Variants in SORCS2 observed in about 807,000 individuals in gnomAD.
The protein encoded by SORCS2 is VPS10 domain-containing receptor SorCS2.
A neutral mutation model predicts 141.6 loss-of-function variants in SORCS2; 100 were observed. The ratio of observed to expected loss-of-function variants is 0.71; its 90% confidence interval spans 0.60 to 0.83. SORCS2 has a LOEUF of 0.83. Among genes scored for constraint, SORCS2 ranks in the 40% least tolerant of loss-of-function variants. SORCS2 has a pLI of 0.00. For synonymous variants in SORCS2, 789 were observed against 676.9 expected (o/e 1.17, Z -2.57); for missense variants, 1,646 against 1,560.2 (o/e 1.05, Z -0.93).
chr4:7,329,221 A>G (rs985294750), intron 1 of SORCS2, among the ~76,000 whole-genome samples: 46 of 152,180 alleles, frequency 3.0e-4, no homozygotes, highest in Non-Finnish European at 2.9e-5. Flanking sequence ...GCCCTGGCTT[A>G]CAGGCGGGCC....
intron 15 of SORCS2, among the ~76,000 whole-genome samples, chr4:7,713,713 G>A (rs1391559036): frequency 2.6e-5 from 4 of 152,216 alleles, no homozygotes; most frequent in African/African-American, 9.6e-5. Flanking sequence ...CCTTAGCAGG[G>A]TGCATTGCTT....
intron 1 of SORCS2, among the ~76,000 whole-genome samples, chr4:7,283,799 GGGAGAGA>G (rs1371852083): frequency 1.3e-5 from 2 of 152,130 alleles, no homozygotes; most frequent in African/African-American, 4.8e-5. Flanking sequence ...GGGGGTCCTG[GGGAGAGA>G]GGAGATGGAG....
At chr4:7,314,820 T>G (rs1274243840) in intron 1 of SORCS2, among the ~76,000 whole-genome samples, 76 of 146,412 alleles carry the variant, frequency 5.2e-4, no homozygotes, top group Admixed American at 1.7e-3. Context: ...TTTTTTTTTT[T>G]TTTTTTTTTA....
At chr4:7,453,581 T>C (rs1388981516) in intron 2 of SORCS2, among the ~76,000 whole-genome samples, 31 of 102,782 alleles carry the variant, frequency 3.0e-4, no homozygotes, top group Middle Eastern at 0.01. Context: ...TGTGTTGGGG[T>C]CAGGCACTGT....
intron 1 of SORCS2, among the ~76,000 whole-genome samples, chr4:7,300,968 G>A (rs186395341): frequency 2.6e-5 from 4 of 152,170 alleles, no homozygotes; most frequent in African/African-American, 4.8e-5. Flanking sequence ...CACCCTTCTC[G>A]TGCCTTCCTG....
At chr4:7,349,479 G>C (rs1403766774) in intron 1 of SORCS2, among the ~76,000 whole-genome samples, 1 of 152,164 alleles carries the variant, frequency 6.6e-6, no homozygotes, top group African/African-American at 2.4e-5. Flanking sequence ...CCAGGCCCTG[G>C]AGAGGCCCAG....
At chr4:7,567,775 C>T (rs1184755351) in intron 3 of SORCS2, among the ~76,000 whole-genome samples, 1 of 152,200 alleles carries the variant, frequency 6.6e-6, no homozygotes, top group Non-Finnish European at 1.5e-5. Flanking sequence ...TGGAATTCCT[C>T]TGCATGGGAG....
At chr4:7,213,672 G>C (rs1281273234) in intron 1 of SORCS2, among the ~76,000 whole-genome samples, 3 of 152,224 alleles carry the variant, frequency 2.0e-5, no homozygotes, top group Non-Finnish European at 2.9e-5. Flanking sequence ...AGATGAGAAA[G>C]CCGAGGCCCA....
intron 10 of SORCS2, among the ~76,000 whole-genome samples, chr4:7,688,919 C>T (rs1724040151): frequency 6.6e-6 from 1 of 152,238 alleles, no homozygotes; most frequent in Admixed American, 6.5e-5. Flanking sequence ...TAACCCACCC[C>T]TCTGTATCTC....
intron 1 of SORCS2, among the ~76,000 whole-genome samples, chr4:7,227,374 C>T (rs181453632): frequency 3.9e-4 from 59 of 152,312 alleles, no homozygotes; most frequent in African/African-American, 1.3e-3. Flanking sequence ...CTGCATTAAC[C>T]GAGGCGAGGG....
At chr4:7,401,617 C>T (rs916311913) in intron 2 of SORCS2, among the ~76,000 whole-genome samples, 1 of 152,178 alleles carries the variant, frequency 6.6e-6, no homozygotes, top group Admixed American at 6.5e-5. Context: ...ATCACCCTTG[C>T]TTCACACTGA....
chr4:7,387,458 C>G (rs1723451309), intron 1 of SORCS2, among the ~76,000 whole-genome samples: 1 of 146,358 alleles, frequency 6.8e-6, no homozygotes, highest in Non-Finnish European at 1.5e-5. Flanking sequence ...CACATGCACA[C>G]ACAGATACAG....
At chr4:7,658,963 T>A (rs1721973271) in intron 5 of SORCS2, among the ~76,000 whole-genome samples, 1 of 152,190 alleles carries the variant, frequency 6.6e-6, no homozygotes, top group Non-Finnish European at 1.5e-5. Flanking sequence ...GGAAGTGACT[T>A]CCTCATCTTG....
At chr4:7,485,686 G>T (rs73212566) in intron 2 of SORCS2, among the ~76,000 whole-genome samples, 1 of 152,252 alleles carries the variant, frequency 6.6e-6, no homozygotes, top group Non-Finnish European at 1.5e-5. Context: ...GAGGGTGGGA[G>T]CTGAGGCTCA....
intron 4 of SORCS2, among the ~76,000 whole-genome samples, chr4:7,651,465 G>A (rs1301181689): frequency 6.6e-6 from 1 of 152,196 alleles, no homozygotes; most frequent in Non-Finnish European, 1.5e-5. Context: ...CCTCCACAAG[G>A]CCCCTCTGCT....
At chr4:7,520,269 T>C (rs932622303) in intron 2 of SORCS2, among the ~76,000 whole-genome samples, 10 of 152,194 alleles carry the variant, frequency 6.6e-5, no homozygotes, top group African/African-American at 9.7e-5. Flanking sequence ...CTGGAGGGGT[T>C]CAGTTACTGC....
intron 23 of SORCS2, among the ~76,000 whole-genome samples, chr4:7,730,643 C>T (rs1711586378): frequency 6.6e-6 from 1 of 152,160 alleles, no homozygotes; most frequent in Admixed American, 6.5e-5. Flanking sequence ...TGCAAAAGAC[C>T]ACGTAGCGTA....
At chr4:7,352,481 C>G (rs548170318) in intron 1 of SORCS2, among the ~76,000 whole-genome samples, 1 of 152,350 alleles carries the variant, frequency 6.6e-6, no homozygotes, top group South Asian at 2.1e-4. Context: ...CTTGCTGTCT[C>G]TCAAATTGTG....
intron 5 of SORCS2, among the ~76,000 whole-genome samples, chr4:7,656,258 G>A (rs978212564): frequency 6.6e-6 from 1 of 152,224 alleles, no homozygotes; most frequent in African/African-American, 2.4e-5. Context: ...AGCCCCAGGT[G>A]CCCTGATACC....
Sources: gnomAD v4.1 joint callset for allele counts (sites outside exome capture counted in the v4.1 genomes callset) on GRCh38, gnomAD v4.1.1 for gene constraint, MANE v1.5 for transcripts, NCBI Gene and HGNC (gene_info 2026-07-23, HGNC 2026-07-21) for gene names.